GSTCD: variants seen among roughly 807,000 people sequenced by gnomAD.
GSTCD encodes glutathione S-transferase C-terminal domain containing.
GSTCD carries 44 observed loss-of-function variants against 68.3 expected under a neutral mutation model. The ratio of observed to expected loss-of-function variants is 0.64; its 90% CI spans 0.51 to 0.83. GSTCD has a LOEUF of 0.83. GSTCD is among the 40% of genes least tolerant of loss of function. The pLI is 0.00. For synonymous variants in GSTCD, 273 were observed against 255.2 expected, an observed-to-expected ratio of 1.07 and a Z score of -0.67; for missense variants, 739 against 735.9, an observed-to-expected ratio of 1.00 and a Z score of -0.05.
intron 1 of GSTCD, among the ~76,000 whole-genome samples, chr4:105,715,361 T>C (rs1482577145): frequency 6.6e-6 from 1 of 152,140 alleles, no homozygotes; most frequent in Non-Finnish European, 1.5e-5. Flanking sequence ...TAAAATTATC[T>C]CTCAGTGACA....
chr4:105,754,352 G>C (rs1183641199), intron 5 of GSTCD, among the ~76,000 whole-genome samples: 1 of 151,676 alleles, frequency 6.6e-6, no homozygotes, highest in African/African-American at 2.4e-5. Context: ...TTAACCATAG[G>C]GTAAAAATGT....
chr4:105,769,163 T>G (rs1734733067), intron 5 of GSTCD, among the ~76,000 whole-genome samples: 1 of 152,010 alleles, frequency 6.6e-6, no homozygotes, highest in Non-Finnish European at 1.5e-5. Flanking sequence ...AAATAATATT[T>G]TATTTTCAAT....
At chr4:105,789,504 G>A (rs1489750418) in intron 5 of GSTCD, among the ~76,000 whole-genome samples, 1 of 151,936 alleles carries the variant, frequency 6.6e-6, no homozygotes, top group Non-Finnish European at 1.5e-5. Flanking sequence ...GTTGGAATGA[G>A]GGTCTCAGAT....
At chr4:105,822,890 G>A in intron 5 of GSTCD, 64 bp from the exon 6 acceptor site, 5 of 1,160,360 alleles carry the variant, frequency 4.3e-6, no homozygotes, top group Non-Finnish European at 6.4e-6. Context: ...TCTATTTTAA[G>A]CGTGTCTTCT....
At chr4:105,831,756 T>G in intron 8 of GSTCD, among the ~76,000 whole-genome samples, 1 of 152,108 alleles carries the variant, frequency 6.6e-6, no homozygotes, top group Non-Finnish European at 1.5e-5. Flanking sequence ...ATGGTTTGGT[T>G]TTCTGCCAGT....
chr4:105,719,951 A>AAAAACT (rs1239211493), intron 3 of GSTCD, among the ~76,000 whole-genome samples: 1 of 152,176 alleles, frequency 6.6e-6, no homozygotes, highest in African/African-American at 2.4e-5. Context: ...TTAAAAAAAA[A>AAAAACT]AAAACTAAAA....
chr4:105,845,401 G>GT (rs772260754), intron 11 of GSTCD, 40 bp from the exon 12 acceptor site: 3 of 1,612,522 alleles, frequency 1.9e-6, no homozygotes, highest in South Asian at 2.2e-5. Flanking sequence ...TGTCCTGCTA[G>GT]TGAAAGGGTG....
At chr4:105,787,919 C>A (rs1050639166) in intron 5 of GSTCD, among the ~76,000 whole-genome samples, 2 of 151,946 alleles carry the variant, frequency 1.3e-5, no homozygotes, top group Non-Finnish European at 2.9e-5. Context: ...AACATCATAA[C>A]CTTCACATAC....
At position 105,845,813 on chromosome 4, in the gene GSTCD, C is replaced by T; in HGVS notation, c.*236C>T. ...TTTTATAGTGAGAATCCCCTGAAGT[C>T]TCAGCTGCCAAAAGAATAATACTAG... is the stretch of plus-strand genomic sequence containing the variant. On this transcript the variant is annotated 3_prime_UTR_variant, in exon 12 of 12. Coordinates refer to ENST00000515279, the MANE Select transcript of GSTCD (RefSeq NM_001370181.1). The T allele has an allele frequency of 2.1e-6, 1 of 482,076 alleles. No individual in the cohort carries two copies. The highest frequency in any genetic ancestry group is 3.8e-6 in the Non-Finnish European group (1 of 266,190). The allele number at this position is 482,076 out of a possible 1,614,324, so 29.9% of individuals were successfully genotyped here.
chr4:105,786,440 A>C (rs1735468295), intron 5 of GSTCD, among the ~76,000 whole-genome samples: 1 of 151,462 alleles, frequency 6.6e-6, no homozygotes, highest in Non-Finnish European at 1.5e-5. Context: ...TGGACGCCAG[A>C]GGCGAAGGTT....
chr4:105,749,220 A>T (rs957841941), intron 5 of GSTCD, among the ~76,000 whole-genome samples: 4 of 152,012 alleles, frequency 2.6e-5, no homozygotes, highest in Non-Finnish European at 5.9e-5. Flanking sequence ...TTGTATGATA[A>T]TAATACACTT....
At chr4:105,805,522 G>A (rs570725393) in intron 5 of GSTCD, among the ~76,000 whole-genome samples, 6 of 152,122 alleles carry the variant, frequency 3.9e-5, no homozygotes, top group African/African-American at 1.4e-4. Context: ...GTAAGATTCT[G>A]TTTGGTTTTT....
chr4:105,718,102 A>G (rs1732740263), intron 2 of GSTCD, 63 bp downstream of exon 2: 1 of 1,283,306 alleles, frequency 7.8e-7, no homozygotes, highest in East Asian at 2.4e-5. Flanking sequence ...TTACCTGACC[A>G]TTTAATATTT....
rs547904297 is a variant in GSTCD at position 105,797,199 on chromosome 4, C to T, written c.1241-25755C>T. Among the ~76,000 whole-genome samples, 7 of 152,146 alleles carry T rather than the reference C, an allele frequency of 4.6e-5. No homozygotes were observed. In the South Asian group the frequency reaches 1.5e-3, roughly 32 times the overall value. The stretch of plus-strand genomic sequence containing the variant: ...TTAGGTAGTTAGTTAATTTCTTTCC[C>T]ACTACCTCAACTTTTTTCTTGTTAT... On this transcript the variant is annotated intron_variant, in intron 5 of 11. Coordinates refer to ENST00000515279, the MANE Select transcript of GSTCD (RefSeq NM_001370181.1).
intron 5 of GSTCD, among the ~76,000 whole-genome samples, chr4:105,732,278 C>T (rs924621463): frequency 3.9e-5 from 6 of 152,292 alleles, no homozygotes; most frequent in East Asian, 1.9e-4. Flanking sequence ...ACCAGCTCCT[C>T]CTTGTACCTC....
At chr4:105,765,941 A>G (rs1210772782) in intron 5 of GSTCD, among the ~76,000 whole-genome samples, 1 of 152,216 alleles carries the variant, frequency 6.6e-6, no homozygotes, top group African/African-American at 2.4e-5. Context: ...TGAGTCAATT[A>G]AACCTCTTTA....
intron 5 of GSTCD, among the ~76,000 whole-genome samples, chr4:105,756,498 A>G (rs1292000423): frequency 1.1e-3 from 11 of 9,586 alleles, no homozygotes; most frequent in Admixed American, 0.011. Flanking sequence ...ATGCACATAC[A>G]CACACACACA....
At chr4:105,834,413 T>G (rs572862902) in intron 8 of GSTCD, 48 bp from the exon 9 acceptor site, 3 of 1,588,876 alleles carry the variant, frequency 1.9e-6, no homozygotes, top group South Asian at 2.3e-5. Flanking sequence ...AAAATTGCAC[T>G]GTGAGTTAAG....
intron 5 of GSTCD, among the ~76,000 whole-genome samples, chr4:105,752,892 C>T (rs1489349263): frequency 6.6e-6 from 1 of 151,908 alleles, no homozygotes; most frequent in Non-Finnish European, 1.5e-5. Flanking sequence ...CTTTACCAGC[C>T]AAGGGTTCAA....
Sources: allele counts gnomAD v4.1 joint callset (sites outside exome capture counted in the v4.1 genomes callset), GRCh38; gene constraint gnomAD v4.1.1; transcripts MANE v1.5; gene names NCBI Gene and HGNC (gene_info 2026-07-23, HGNC 2026-07-21).